Variants in MBTD1 observed in about 807,000 individuals in gnomAD.
The protein encoded by MBTD1 is MBT domain-containing protein 1.
In MBTD1, 24 loss-of-function variants were observed where a neutral mutation model predicts 87.8. The ratio of observed to expected loss-of-function variants is 0.27; its 90% confidence interval spans 0.20 to 0.38. The LOEUF is 0.38. Among genes scored for constraint, MBTD1 ranks in the 10% least tolerant of loss-of-function variants. The pLI, the probability that MBTD1 is intolerant of heterozygous loss-of-function variation, is 1.00. For missense variants in MBTD1, 436 were observed against 760.2 expected (o/e 0.57, Z 5.02); for synonymous variants, 237 against 248.6 (o/e 0.95, Z 0.44).
intron 7 of MBTD1, 132 bp from the exon 8 acceptor site, chr17:51,204,057 T>C (rs2051657066): frequency 2.8e-6 from 2 of 706,460 alleles, no homozygotes; most frequent in South Asian, 4.0e-5. Context: ...AACAGACAGA[T>C]GGCTGGGTCT....
chr17:51,187,401 CA>C (rs201877980), intron 16 of MBTD1, among the ~76,000 whole-genome samples: 50,329 of 113,578 alleles, frequency 0.44, 8,688 homozygotes, highest in Admixed American at 0.5. Flanking sequence ...GACCTTGTCT[CA>C]AAAAAAAAAA....
chr17:51,225,416 A>G lies in MBTD1; in HGVS notation c.-48-207T>C, dbSNP rs545442747. Among the ~76,000 whole-genome samples the G allele has an allele frequency of 3.8e-3, 576 of 150,158 alleles. 4 individuals carry two copies. Among genetic ancestry groups the G allele is most frequent in the African/African-American group, 0.013 (551 of 40,880 alleles). ...TCACCCAGGCTGGAGTGCAGTGACA[A>G]TCTTCGGTCACTGCAACCTCCACCT... On this transcript the variant is annotated intron_variant, in intron 2 of 16. Transcript: ENST00000586178.
intron 2 of MBTD1, among the ~76,000 whole-genome samples, chr17:51,232,037 T>C (rs1461004817): frequency 3.9e-5 from 6 of 152,088 alleles, no homozygotes; most frequent in Admixed American, 1.3e-4. Context: ...ATTAAAAGGA[T>C]GAGTGAGAAA....
At chr17:51,249,036 A>G (rs2054615960) in intron 2 of MBTD1, among the ~76,000 whole-genome samples, 1 of 151,762 alleles carries the variant, frequency 6.6e-6, no homozygotes, top group Non-Finnish European at 1.5e-5. Context: ...AGACTGCTTG[A>G]GCCCAAGAGT....
intron 12 of MBTD1, among the ~76,000 whole-genome samples, chr17:51,201,140 C>T (rs971179893): frequency 6.6e-6 from 1 of 151,712 alleles, no homozygotes; most frequent in African/African-American, 2.4e-5. Flanking sequence ...AAAAAATGAA[C>T]AAACAAACAA....
intron 6 of MBTD1, among the ~76,000 whole-genome samples, chr17:51,214,614 A>T (rs1250276122): frequency 6.6e-6 from 1 of 152,230 alleles, no homozygotes; most frequent in East Asian, 1.9e-4. Flanking sequence ...CAGCGTCCCC[A>T]TCCCAATTCC....
At chr17:51,223,796 ACTGCACTCCAG>A (rs1443504296) in intron 3 of MBTD1, among the ~76,000 whole-genome samples, 1 of 152,168 alleles carries the variant, frequency 6.6e-6, no homozygotes, top group Non-Finnish European at 1.5e-5. Flanking sequence ...AGATTGCACC[ACTGCACTCCAG>A]CTTGGGCATC....
At chr17:51,210,125 C>T (rs1224443441) in intron 6 of MBTD1, among the ~76,000 whole-genome samples, 4 of 152,074 alleles carry the variant, frequency 2.6e-5, no homozygotes, top group Non-Finnish European at 5.9e-5. Flanking sequence ...CCTCAGCCTC[C>T]CGAGTAGCTG....
At chr17:51,255,008 C>T (rs952813028) in intron 2 of MBTD1, among the ~76,000 whole-genome samples, 5 of 152,122 alleles carry the variant, frequency 3.3e-5, no homozygotes, top group Non-Finnish European at 7.4e-5. Context: ...ACGGGCCAGG[C>T]GCAGTGGCTC....
chr17:51,246,816 T>C (rs2054465523), intron 2 of MBTD1, among the ~76,000 whole-genome samples: 2 of 152,034 alleles, frequency 1.3e-5, no homozygotes, highest in African/African-American at 4.8e-5. Context: ...TTTTTTTTAT[T>C]CTTAGTAGAG....
intron 16 of MBTD1, among the ~76,000 whole-genome samples, chr17:51,188,214 G>C (rs187798336): frequency 6.6e-6 from 1 of 152,330 alleles, no homozygotes; most frequent in Admixed American, 6.5e-5. Flanking sequence ...GCAGAAATCA[G>C]TACTGCTTTT....
chr17:51,247,283 T>C (rs1232984967), intron 2 of MBTD1, among the ~76,000 whole-genome samples: 1 of 152,218 alleles, frequency 6.6e-6, no homozygotes, highest in African/African-American at 2.4e-5. Flanking sequence ...TACTGAATCA[T>C]CCTTGTATTC....
chr17:51,220,221 A>G (rs900034140), intron 4 of MBTD1, 109 bp downstream of exon 4: 51 of 1,089,322 alleles, frequency 4.7e-5, no homozygotes, highest in Non-Finnish European at 6.1e-5. Context: ...GTATAAAACC[A>G]TAACTGAGTG....
In MBTD1 at chr17:51,179,501, T is replaced by TATTC. The variant is rs2050216070; in HGVS notation, c.*1074_*1075insGAAT. 2.6e-5 allele frequency: 2 copies of TATTC among 75,686 alleles called. No individual in the cohort carries two copies. The highest frequency in any genetic ancestry group is 1.0e-4 in the African/African-American group (2 of 19,064). 4.7% of individuals were successfully genotyped at this position (75,686 alleles called of 1,614,324 possible). A position where few individuals can be genotyped will look rare whatever the true frequency, so the allele number is the denominator to read the frequency against. ...AGACAATTTTATATATATATATATA[T>TATTC]ATATATATATATATATATATATATA... On this transcript the variant is annotated 3_prime_UTR_variant, in exon 17 of 17. Transcript: ENST00000586178.
rs751949025 is a variant in MBTD1, at chr17:51,195,372, A to G, written c.1225-11T>C. 14 of 1,576,884 alleles carry G rather than the reference A, an allele frequency of 8.9e-6. No homozygotes were observed. The highest frequency in any genetic ancestry group is 5.9e-5 in the South Asian group (5 of 84,966). On this transcript the variant is annotated splice_polypyrimidine_tract_variant and intron_variant, in intron 12 of 16. Coordinates refer to ENST00000586178, the MANE Select transcript of MBTD1 (RefSeq NM_017643.3). The stretch of plus-strand genomic sequence containing the variant: ...TCCGTCAGCTAGCACCTTTTCAATG[A>G]AGAGAATTCTAAGTACTTGAAATTA...
At chr17:51,181,183 C>T (rs866995633) in intron 16 of MBTD1, among the ~76,000 whole-genome samples, 6 of 152,124 alleles carry the variant, frequency 3.9e-5, no homozygotes, top group South Asian at 2.1e-4. Flanking sequence ...CCCACCACCA[C>T]GCCCAGCTAA....
intron 2 of MBTD1, chr17:51,256,519 T>C (rs971166417): frequency 6.6e-6 from 1 of 152,170 alleles, no homozygotes; most frequent in Non-Finnish European, 1.5e-5. Flanking sequence ...AAATAAGTTA[T>C]AGGAGAGAAG....
At chr17:51,198,101 T>C (rs2051243652) in intron 12 of MBTD1, among the ~76,000 whole-genome samples, 1 of 152,226 alleles carries the variant, frequency 6.6e-6, no homozygotes, top group South Asian at 2.1e-4. Context: ...TCTGAGTTAG[T>C]ACAGGGTGTC....
chr17:51,241,659 G>A (rs1204339169), intron 2 of MBTD1, among the ~76,000 whole-genome samples: 3 of 152,050 alleles, frequency 2.0e-5, no homozygotes, highest in African/African-American at 7.2e-5. Context: ...CACCTCCCGG[G>A]TTTAAGCAAT....
Sources: allele counts gnomAD v4.1 joint callset (sites outside exome capture counted in the v4.1 genomes callset), GRCh38; gene constraint gnomAD v4.1.1; transcripts MANE v1.5; gene names NCBI Gene and HGNC (gene_info 2026-07-23, HGNC 2026-07-21).